The following HAO1 variants were observed in gnomAD, a reference collection of about 807,000 sequenced individuals.
HAO1 encodes hydroxyacid oxidase 1.
In HAO1, 34 loss-of-function variants were observed where a neutral mutation model predicts 39.7. The observed-to-expected ratio is 0.86, with a 90% CI of 0.65 to 1.14. HAO1 has a LOEUF of 1.14. Ranked by LOEUF, HAO1 falls within the 50% of genes most tolerant of loss-of-function variation. The pLI, the probability that HAO1 is intolerant of heterozygous loss-of-function variation, is 0.00. For missense variants in HAO1, 479 were observed against 464.5 expected, an observed-to-expected ratio of 1.03 and a Z score of -0.29; for synonymous variants, 172 against 173.2, an observed-to-expected ratio of 0.99 and a Z score of 0.05.
At position 7,940,342 on chromosome 20, in the gene HAO1, G is replaced by C; in HGVS notation, c.81C>G (p.Tyr27Ter). ...TTTCTTCATCATTTGCCCCAGACCT[G>C]TAATAGTCATATATAGACTTTGGAA... ...SVLPKSIYDY[Y>*]RSGANDEETL... Residue 27 changes from tyrosine (Y) to a stop codon, truncating the protein, a stop_gained, in exon 1 of 8, where the codon TAC (tyrosine) becomes TAG (stop). Transcript: ENST00000378789. LOFTEE classifies it high-confidence loss of function. 1 of 1,611,100 alleles carries C rather than the reference G, an allele frequency of 6.2e-7. No homozygotes were observed. The highest frequency in any genetic ancestry group is 8.5e-7 in the Non-Finnish European group (1 of 1,178,140).
chr20:7,912,866 A>C (rs932677187), intron 3 of HAO1, among the ~76,000 whole-genome samples: 7 of 152,206 alleles, frequency 4.6e-5, no homozygotes, highest in African/African-American at 1.7e-4. Flanking sequence ...GCCTGGTAGT[A>C]ACAGGGAGGT....
At chr20:7,916,599 A>G (rs912933831) in intron 2 of HAO1, among the ~76,000 whole-genome samples, 12 of 152,262 alleles carry the variant, frequency 7.9e-5, no homozygotes, top group African/African-American at 2.9e-4. Context: ...ATTTCTAACC[A>G]GATTAGGCTG....
intron 2 of HAO1, among the ~76,000 whole-genome samples, chr20:7,930,064 A>G (rs966735674): frequency 3.9e-5 from 6 of 152,070 alleles, no homozygotes; most frequent in African/African-American, 1.4e-4. Flanking sequence ...CTCAGGCCAG[A>G]CCATTGCCTG....
intron 2 of HAO1, among the ~76,000 whole-genome samples, chr20:7,917,205 T>G (rs1405957424): frequency 6.6e-6 from 1 of 152,066 alleles, no homozygotes; most frequent in Admixed American, 6.6e-5. Flanking sequence ...CTGGGCGTAG[T>G]GGCGCATGCC....
intron 2 of HAO1, among the ~76,000 whole-genome samples, chr20:7,923,682 G>A (rs2050345208): frequency 6.6e-6 from 1 of 152,086 alleles, no homozygotes; most frequent in African/African-American, 2.4e-5. Flanking sequence ...TTTCATCCCA[G>A]GCTCTGATCA....
intron 5 of HAO1, among the ~76,000 whole-genome samples, chr20:7,892,495 A>G (rs1600106199): frequency 6.6e-6 from 1 of 152,324 alleles, no homozygotes; most frequent in Admixed American, 6.5e-5. Flanking sequence ...CTCCGCCATC[A>G]CAGCCACACA....
Position 7,913,643 on chromosome 20 carries a change from A to T in HAO1, c.545+521T>A, listed in dbSNP as rs181038922. ...GTGATATATTGTTTTTGCTAAGATG[A>T]ATGATTTGAGTGAATGAATCAATGA... On this transcript the variant is annotated intron_variant, in intron 3 of 7. Coordinates refer to ENST00000378789, the MANE Select transcript of HAO1 (RefSeq NM_017545.3). Among the ~76,000 whole-genome samples the T allele has an allele frequency of 3.0e-4, 46 of 152,334 alleles. No individual in the cohort carries two copies. In the East Asian group the frequency reaches 8.5e-3, roughly 28 times the overall value.
intron 2 of HAO1, among the ~76,000 whole-genome samples, chr20:7,929,639 G>A (rs1437312719): frequency 6.6e-6 from 1 of 152,152 alleles, no homozygotes; most frequent in Non-Finnish European, 1.5e-5. Context: ...GCCAAGGCAG[G>A]CAGATCATGA....
rs768618504 is a variant in HAO1 at position 7,914,216 on chromosome 20, C to A, written c.493G>T (p.Gly165Cys). ...TTACGCACATCATCCAGACGGTTGC[C>A]CAGGTAAGGTGTGTCCACTGTCACA... is the stretch of plus-strand genomic sequence containing the variant. ...IFVTVDTPYLGNRLDDVRNRF... is the reference protein window; with the variant it reads ...IFVTVDTPYLCNRLDDVRNRF... Residue 165 changes from glycine (G) to cysteine (C), a missense_variant, in exon 3 of 8, where the codon GGC (glycine) becomes TGC (cysteine). Physicochemically the swap from Gly to Cys is radical, Grantham distance 159 (BLOSUM62 -3). Transcript: ENST00000378789. 2.1e-5 allele frequency: 34 copies of A among 1,613,908 alleles called. 1 individual carries two copies. In the South Asian group the frequency reaches 3.7e-4, roughly 18 times the overall value.
intron 5 of HAO1, among the ~76,000 whole-genome samples, chr20:7,890,210 T>TG (rs1057507065): frequency 1.3e-4 from 19 of 151,928 alleles, no homozygotes; most frequent in African/African-American, 4.1e-4. Flanking sequence ...GGTTTGTTTT[T>TG]TTTTGTTTTG....
At chr20:7,907,221 A>T (rs2050252645) in intron 3 of HAO1, among the ~76,000 whole-genome samples, 1 of 152,164 alleles carries the variant, frequency 6.6e-6, no homozygotes, top group Non-Finnish European at 1.5e-5. Flanking sequence ...TCTTCCAGAC[A>T]AGTTTGACAA....
intron 1 of HAO1, among the ~76,000 whole-genome samples, chr20:7,937,852 T>G (rs1403106210): frequency 6.6e-6 from 1 of 152,182 alleles, no homozygotes; most frequent in Admixed American, 6.5e-5. Flanking sequence ...TCCATTTACT[T>G]GTCCTTTTAA....
chr20:7,927,774 T>C (rs2050366237), intron 2 of HAO1, among the ~76,000 whole-genome samples: 1 of 152,220 alleles, frequency 6.6e-6, no homozygotes. Flanking sequence ...TTTAAGATGA[T>C]AGCATAGTGC....
intron 2 of HAO1, among the ~76,000 whole-genome samples, chr20:7,918,998 G>T (rs2050319331): frequency 6.6e-6 from 1 of 152,164 alleles, no homozygotes; most frequent in African/African-American, 2.4e-5. Flanking sequence ...CTCCCAATGT[G>T]TGGCTATGTA....
In HAO1 at chr20:7,909,379, GTATATATATATATATATATATA is replaced by G. The variant is rs869068490; in HGVS notation, c.546-3072_546-3051del. Among the ~76,000 whole-genome samples, 165 of 108,220 alleles carry G rather than the reference GTATATATATATATATATATATA, an allele frequency of 1.5e-3. 1 individual carries two copies. The South Asian group carries it at 0.019, about 12-fold the overall frequency. 71.0% of individuals were successfully genotyped at this position (108,220 alleles called of 152,430 possible). On this transcript the variant is annotated intron_variant, in intron 3 of 7. Coordinates refer to ENST00000378789, the MANE Select transcript of HAO1 (RefSeq NM_017545.3). ...TTATGACATATATATATATATATAT[GTATATATATATATATATATATA>G]TATGCTTAAAGTGGCTTCTGATAAC...
intron 2 of HAO1, among the ~76,000 whole-genome samples, chr20:7,934,064 A>G (rs2423336): frequency 0.12 from 18,909 of 152,136 alleles, 1,344 homozygotes; most frequent in East Asian, 0.2. Context: ...GCTGAATTCC[A>G]ATTCTGTAAC....
intron 2 of HAO1, among the ~76,000 whole-genome samples, chr20:7,929,775 A>C (rs1415683456): frequency 6.6e-6 from 1 of 152,058 alleles, no homozygotes; most frequent in Non-Finnish European, 1.5e-5. Flanking sequence ...GAGGCAGGGG[A>C]ATCGCTTGAA....
At position 7,883,497 on chromosome 20, in the gene HAO1, G is replaced by A. The variant is rs1399999640; in HGVS notation, c.*96C>T. On this transcript the variant is annotated 3_prime_UTR_variant, in exon 8 of 8. Coordinates refer to ENST00000378789, the MANE Select transcript of HAO1 (RefSeq NM_017545.3). ...AACGACACCCTTTGTATTGAAGTGGGGAATTACAGACTGTGGTCACCCTCT... is the reference window on the plus strand; with the variant it reads ...AACGACACCCTTTGTATTGAAGTGGAGAATTACAGACTGTGGTCACCCTCT... 9.3e-6 allele frequency: 8 copies of A among 864,384 alleles called. No homozygotes were observed. The highest frequency in any genetic ancestry group is 1.6e-5 in the Non-Finnish European group (8 of 500,746). 53.5% of individuals were successfully genotyped at this position (864,384 alleles called of 1,614,324 possible).
intron 2 of HAO1, among the ~76,000 whole-genome samples, chr20:7,920,058 A>G (rs375451422): frequency 6.6e-6 from 1 of 152,080 alleles, no homozygotes; most frequent in Non-Finnish European, 1.5e-5. Context: ...TCTTATCTCA[A>G]ATTTTAATCC....
Sources: allele counts gnomAD v4.1 joint callset (sites outside exome capture counted in the v4.1 genomes callset), GRCh38; gene constraint gnomAD v4.1.1; transcripts MANE v1.5; gene names NCBI Gene and HGNC (gene_info 2026-07-23, HGNC 2026-07-21).